The following FNIP2 variants were observed in gnomAD, a reference collection of about 807,000 sequenced individuals.
The protein encoded by FNIP2 is folliculin interacting protein 2.
Under a neutral mutation model 108.7 loss-of-function variants are expected in FNIP2, and 32 were observed. That is an observed-to-expected ratio of 0.29 (90% confidence interval 0.22 to 0.40). FNIP2 has a LOEUF of 0.40. FNIP2 is among the 10% of genes least tolerant of loss of function. The pLI, the probability that FNIP2 is intolerant of heterozygous loss-of-function variation, is 1.00. For missense variants in FNIP2, 1,202 were observed against 1,381.6 expected (o/e 0.87, Z 2.06); for synonymous variants, 480 against 496.7 (o/e 0.97, Z 0.45).
chr4:158,833,416 T>C, intron 5 of FNIP2, 112 bp from the exon 6 acceptor site: 1 of 640,364 alleles, frequency 1.6e-6, no homozygotes, highest in South Asian at 2.1e-5. Context: ...AGAAAAGTAT[T>C]GAGTGACTGA....
intron 15 of FNIP2, among the ~76,000 whole-genome samples, chr4:158,894,889 C>G (rs1233520130): frequency 6.6e-6 from 1 of 152,078 alleles, no homozygotes; most frequent in Non-Finnish European, 1.5e-5. Context: ...GTTGATCAGC[C>G]CAGATGGTCA....
Position 158,904,496 on chromosome 4 carries a change from T to A in FNIP2, c.3297T>A (p.Thr1099=). ...AATCCAACGACCTGCCTCTGTTGAC[T>A]GCTATTGCCAGTACTCATTCTCCTT... The part of the protein sequence containing the change: ...GIESNDLPLL[T]AIASTHSPYV... The change falls in exon 17 of 17, where the codon ACT becomes ACA. Residue 1099 remains threonine (T), a synonymous_variant. Coordinates refer to ENST00000264433, the MANE Select transcript of FNIP2 (RefSeq NM_020840.3). 1.2e-6 allele frequency: 2 copies of A among 1,613,402 alleles called. No homozygotes were observed. The highest frequency in any genetic ancestry group is 2.2e-5 in the South Asian group (2 of 91,082).
Position 158,868,238 on chromosome 4 carries a change from G to C in FNIP2, c.1602G>C (p.Gln534His). The C allele has an allele frequency of 1.2e-6, 2 of 1,614,078 alleles. No homozygotes were observed. Among genetic ancestry groups the C allele is most frequent in the South Asian group, 2.2e-5 (2 of 91,082 alleles). ...GTTGCTCTGAGCTACAAGAGAACCA[G>C]CTGACCTGGAGTGGCAATCATGGTG... is the stretch of plus-strand genomic sequence containing the variant. ...FLRCSELQEN[Q>H]LTWSGNHGEG... Residue 534 changes from glutamine (Q) to histidine (H), a missense_variant, in exon 13 of 17, where the codon CAG becomes CAC. This residue lies in a region of FNIP2 where 878 missense variants were observed against 990.3 expected (regional missense o/e 0.89). Transcript: ENST00000264433. The surrounding 1 kb of genome is among the most constrained non-coding windows in gnomAD (Gnocchi z 4.6).
chr4:158,896,779 T>A (rs1217650552), intron 16 of FNIP2, among the ~76,000 whole-genome samples: 1 of 149,872 alleles, frequency 6.7e-6, no homozygotes, highest in East Asian at 1.9e-4. Flanking sequence ...TCTTTGTCGT[T>A]TTTTTTTTTT....
intron 15 of FNIP2, chr4:158,893,076 GGTTA>G (rs1436849348): frequency 6.6e-6 from 1 of 152,212 alleles, no homozygotes; most frequent in Non-Finnish European, 1.5e-5. Context: ...CTTTGCCGTT[GGTTA>G]GTTGTGTAAC....
chr4:158,839,913 G>A (rs1443546978), intron 7 of FNIP2, among the ~76,000 whole-genome samples: 1 of 152,212 alleles, frequency 6.6e-6, no homozygotes, highest in Non-Finnish European at 1.5e-5. Flanking sequence ...AGCTGGGGCA[G>A]GTATGGAGGG....
intron 1 of FNIP2, among the ~76,000 whole-genome samples, chr4:158,819,929 G>C (rs1777786332): frequency 6.6e-6 from 1 of 152,174 alleles, no homozygotes; most frequent in Admixed American, 6.5e-5. Context: ...AAAGAATATA[G>C]AATAGGGTTA....
At chr4:158,849,836 AT>A (rs1222421225) in intron 7 of FNIP2, among the ~76,000 whole-genome samples, 1 of 152,058 alleles carries the variant, frequency 6.6e-6, no homozygotes, top group Non-Finnish European at 1.5e-5. Flanking sequence ...TTCAGGAAGC[AT>A]TTGCTAATTG....
At chr4:158,898,877 T>C (rs1327875538) in intron 16 of FNIP2, among the ~76,000 whole-genome samples, 1 of 152,102 alleles carries the variant, frequency 6.6e-6, no homozygotes, top group Non-Finnish European at 1.5e-5. Flanking sequence ...CTATGTTGAA[T>C]AGTTGAATAG....
chr4:158,836,196 T>C (rs1208650023), intron 7 of FNIP2: 1 of 152,154 alleles, frequency 6.6e-6, no homozygotes, highest in African/African-American at 2.4e-5. Flanking sequence ...CTTCAACAAA[T>C]GGGCCAGCCA....
chr4:158,769,360 G>A, intron 1 of FNIP2, 41 bp downstream of exon 1: 2 of 1,376,962 alleles, frequency 1.5e-6, no homozygotes, highest in South Asian at 2.7e-5. Context: ...CGGGACCCGA[G>A]TTGGCTTCGG....
intron 14 of FNIP2, among the ~76,000 whole-genome samples, chr4:158,880,984 C>A (rs1781556383): frequency 6.6e-6 from 1 of 152,140 alleles, no homozygotes. Context: ...TGACTAAAGG[C>A]CTTTCTTACA....
In FNIP2 at chr4:158,905,954, TTATGAAG is replaced by T. The variant is rs1729806386; in HGVS notation, c.*1413_*1419del. Reference sequence around the variant, plus strand: ...TTTTCATGTATCTTTGAACCTAAGATTATGAAGTAATTTCCCTATTAGGGACTAGAAT... The same window carrying T: ...TTTTCATGTATCTTTGAACCTAAGATTAATTTCCCTATTAGGGACTAGAAT... On this transcript the variant is annotated 3_prime_UTR_variant, in exon 17 of 17. Transcript: ENST00000264433. 3.3e-5 allele frequency: 5 copies of T among 152,198 alleles called. No homozygotes were observed. In the South Asian group the frequency reaches 1.0e-3, roughly 31 times the overall value. The allele number at this position is 152,198 out of a possible 1,614,324, so 9.4% of individuals were successfully genotyped here. A position where few individuals can be genotyped will look rare whatever the true frequency, so the allele number is the denominator to read the frequency against.
At chr4:158,782,517 C>CTTTTTTTTTTTTTTTTTTTT in intron 1 of FNIP2, among the ~76,000 whole-genome samples, 1 of 138,842 alleles carries the variant, frequency 7.2e-6, no homozygotes, top group Non-Finnish European at 1.7e-5. Context: ...CAGGAGCTTC[C>CTTTTTTTTTTTTTTTTTTTT]TTTTTGTTTT....
Position 158,825,927 on chromosome 4 carries a change from C to T in FNIP2, c.119C>T (p.Ser40Leu), listed in dbSNP as rs62001910. Residue 40 changes from serine (S) to leucine (L), a missense_variant, in exon 2 of 17, where the codon TCG becomes TTG. Transcript: ENST00000264433. ...KEGPAFSWSC[S>L]EFDLNEIRLI... ...TTTTTAATCCACAGTTGGTCATGTT[C>T]GGAGTTTGACCTGAATGAGATTCGC... The T allele has an allele frequency of 3.1e-4, 499 of 1,606,624 alleles. No individual in the cohort carries two copies. Among genetic ancestry groups the T allele is most frequent in the Non-Finnish European group, 3.8e-4 (445 of 1,174,104 alleles).
At chr4:158,861,868 G>C (rs1780319211) in intron 12 of FNIP2, 92 bp downstream of exon 12, 1 of 1,416,616 alleles carries the variant, frequency 7.1e-7, no homozygotes, top group South Asian at 1.3e-5. Context: ...CTCTCACCCA[G>C]TAATTCATAG....
chr4:158,869,099 A>G lies in FNIP2; in HGVS notation c.2463A>G (p.Thr821=). 6.2e-7 allele frequency: 1 copy of G among 1,614,028 alleles called. No individual in the cohort carries two copies. Among genetic ancestry groups the G allele is most frequent in the Non-Finnish European group, 8.5e-7 (1 of 1,179,888 alleles). Residue 821 remains threonine, a synonymous_variant, in exon 13 of 17, where the codon ACA becomes ACG. Coordinates refer to ENST00000264433, the MANE Select transcript of FNIP2 (RefSeq NM_020840.3). The part of the protein sequence containing the change: ...GQLSHAADLG[T]ASHGAGGTGG... ...TCAGCCACGCTGCTGACTTGGGCAC[A>G]GCCTCCCACGGTGCAGGAGGAACGG... is the stretch of plus-strand genomic sequence containing the variant.
intron 8 of FNIP2, among the ~76,000 whole-genome samples, chr4:158,852,505 A>G (rs1286724091): frequency 2.0e-5 from 3 of 152,252 alleles, no homozygotes; most frequent in Non-Finnish European, 2.9e-5. Context: ...GTCACTCACT[A>G]GATGTCTGAT....
rs751220538 is a variant in FNIP2 at position 158,899,071 on chromosome 4, G to A, written c.3266+3206G>A. On this transcript the variant is annotated intron_variant, in intron 16 of 16. Coordinates refer to ENST00000264433, the MANE Select transcript of FNIP2 (RefSeq NM_020840.3). ...GCTTGAAGTGGTGTTGAGTTTTGTC[G>A]AAGGCCTTTTCTGCATCTATTGAGA... Among the ~76,000 whole-genome samples, 11 of 152,180 alleles carry A rather than the reference G, an allele frequency of 7.2e-5. 1 individual carries two copies. Among genetic ancestry groups the A allele is most frequent in the Admixed American group, 3.3e-4 (5 of 15,278 alleles).
Sources: allele counts gnomAD v4.1 joint callset (sites outside exome capture counted in the v4.1 genomes callset), GRCh38; gene constraint gnomAD v4.1.1; regional missense constraint gnomAD v4.1.1; non-coding constraint Gnocchi (gnomAD v3.1); transcripts MANE v1.5; gene names NCBI Gene and HGNC (gene_info 2026-07-23, HGNC 2026-07-21).